The following EFCAB6 variants were observed in gnomAD, a reference collection of about 807,000 sequenced individuals.
The protein encoded by EFCAB6 is EF-hand calcium-binding domain-containing protein 6.
In EFCAB6, 156 loss-of-function variants were observed where a neutral mutation model predicts 169.8. The ratio of observed to expected loss-of-function variants is 0.92; its 90% CI spans 0.81 to 1.05. The LOEUF (loss-of-function observed/expected upper bound fraction) is 1.05. EFCAB6 is among the 50% of genes least tolerant of loss of function. The pLI, the probability that EFCAB6 is intolerant of heterozygous loss-of-function variation, is 0.00. For synonymous variants in EFCAB6, 698 were observed against 676.4 expected (o/e 1.03, Z -0.50); for missense variants, 1,800 against 1,829.1 (o/e 0.98, Z 0.29).
chr22:43,616,589 G>T (rs2053701948), intron 20 of EFCAB6, among the ~76,000 whole-genome samples: 2 of 123,226 alleles, frequency 1.6e-5, no homozygotes, highest in African/African-American at 6.4e-5. Context: ...GCTTGAACCT[G>T]GGAGGCGGAG....
At chr22:43,579,135 A>G (rs890211622) in intron 25 of EFCAB6, among the ~76,000 whole-genome samples, 1 of 149,608 alleles carries the variant, frequency 6.7e-6, no homozygotes, top group African/African-American at 2.5e-5. Flanking sequence ...TATAGGCATC[A>G]TTCTGTACAC....
chr22:43,532,848 A>AGG (rs931063529), intron 30 of EFCAB6, among the ~76,000 whole-genome samples: 8 of 152,242 alleles, frequency 5.3e-5, no homozygotes, highest in Non-Finnish European at 8.8e-5. Context: ...GGCCAGGGCC[A>AGG]GGGCTTTCAG....
chr22:43,591,122 T>TG (rs1277980557), intron 23 of EFCAB6, among the ~76,000 whole-genome samples: 47 of 129,006 alleles, frequency 3.6e-4, no homozygotes, highest in South Asian at 1.9e-3. Context: ...TTTTTTTTTT[T>TG]TGTTTTTTTT....
At chr22:43,611,338 G>C (rs890538519) in intron 21 of EFCAB6, among the ~76,000 whole-genome samples, 5 of 152,158 alleles carry the variant, frequency 3.3e-5, no homozygotes, top group Admixed American at 3.3e-4. Flanking sequence ...ACTGCTCAAA[G>C]ATATCAGTGA....
At chr22:43,766,686 T>C (rs2147937419) in intron 4 of EFCAB6, among the ~76,000 whole-genome samples, 1 of 152,200 alleles carries the variant, frequency 6.6e-6, no homozygotes, top group East Asian at 1.9e-4. Flanking sequence ...GGCTGATTTT[T>C]GTATTTTTAG....
chr22:43,557,320 A>C (rs2048764673), intron 26 of EFCAB6, among the ~76,000 whole-genome samples: 1 of 152,246 alleles, frequency 6.6e-6, no homozygotes, highest in Non-Finnish European at 1.5e-5. Flanking sequence ...CTAACAACAG[A>C]TATGGAAGAA....
intron 2 of EFCAB6, among the ~76,000 whole-genome samples, chr22:43,806,147 T>C (rs1345970932): frequency 9.1e-6 from 1 of 110,474 alleles, no homozygotes; most frequent in Non-Finnish European, 1.7e-5. Context: ...GCCTGGGTGA[T>C]CAAGTGAGAC....
intron 10 of EFCAB6, among the ~76,000 whole-genome samples, chr22:43,693,144 C>T (rs1488163692): frequency 6.6e-6 from 1 of 152,036 alleles, no homozygotes; most frequent in Non-Finnish European, 1.5e-5. Context: ...TAGAGATTAT[C>T]AGAATAGATT....
At chr22:43,730,378 C>T (rs1344559480) in intron 8 of EFCAB6, among the ~76,000 whole-genome samples, 1 of 149,558 alleles carries the variant, frequency 6.7e-6, no homozygotes, top group Non-Finnish European at 1.5e-5. Context: ...AGGCCTCAGA[C>T]TTTTCCACAA....
chr22:43,632,273 T>C, intron 18 of EFCAB6, 35 bp from the exon 19 acceptor site: 1 of 1,516,122 alleles, frequency 6.6e-7, no homozygotes, highest in African/African-American at 1.4e-5. Flanking sequence ...TTTCCATTAG[T>C]GCCCATCAGC....
At chr22:43,675,522 TTAAG>T (rs1010678223) in intron 13 of EFCAB6, among the ~76,000 whole-genome samples, 24 of 143,038 alleles carry the variant, frequency 1.7e-4, no homozygotes, top group African/African-American at 3.8e-4. Flanking sequence ...ATAGGATTTA[TTAAG>T]TAAGCAATAA....
intron 21 of EFCAB6, among the ~76,000 whole-genome samples, chr22:43,609,424 GA>G (rs2053152037): frequency 6.6e-6 from 1 of 152,130 alleles, no homozygotes; most frequent in Non-Finnish European, 1.5e-5. Context: ...GGAATACAAA[GA>G]ATCCACAAAT....
At chr22:43,639,897 T>A (rs866054176) in intron 17 of EFCAB6, among the ~76,000 whole-genome samples, 1 of 152,212 alleles carries the variant, frequency 6.6e-6, no homozygotes, top group Non-Finnish European at 1.5e-5. Flanking sequence ...CTCGGGCTCA[T>A]TGACTTCTGT....
rs1442263361 is a variant in EFCAB6, at chr22:43,812,233, G to A, written c.-210C>T. 6.6e-6 allele frequency: 1 copy of A among 152,290 alleles called. No homozygotes were observed. Among genetic ancestry groups the A allele is most frequent in the Non-Finnish European group, 1.5e-5 (1 of 68,084 alleles). 9.4% of individuals were successfully genotyped at this position (152,290 alleles called of 1,614,324 possible). ...CCCGCGTGCGCGGACCCCAAGCCGCGGGGTCTCAGAGGGGCTGCCCATTCG... is the reference window on the plus strand; with the variant it reads ...CCCGCGTGCGCGGACCCCAAGCCGCAGGGTCTCAGAGGGGCTGCCCATTCG... On this transcript the variant is annotated 5_prime_UTR_variant, in exon 1 of 32. Coordinates refer to ENST00000262726, the MANE Select transcript of EFCAB6 (RefSeq NM_022785.4).
intron 26 of EFCAB6, among the ~76,000 whole-genome samples, chr22:43,563,112 C>G (rs1406297012): frequency 6.6e-6 from 1 of 152,170 alleles, no homozygotes; most frequent in Admixed American, 6.5e-5. Context: ...CAGGCAGCAC[C>G]AGTAACCAAG....
chr22:43,805,527 G>A (rs937132999), intron 2 of EFCAB6, among the ~76,000 whole-genome samples: 2 of 152,170 alleles, frequency 1.3e-5, no homozygotes, highest in Admixed American at 6.6e-5. Flanking sequence ...AGAGTAAACT[G>A]GTGGTTAGCA....
intron 23 of EFCAB6, among the ~76,000 whole-genome samples, chr22:43,594,593 G>C (rs1189705259): frequency 8.5e-5 from 13 of 152,172 alleles, no homozygotes; most frequent in Admixed American, 7.2e-4. Flanking sequence ...TATAACAATA[G>C]TAAACATATG....
chr22:43,576,400 G>A lies in EFCAB6; in HGVS notation c.3317C>T (p.Thr1106Met), dbSNP rs572837447. 1.5e-5 allele frequency: 24 copies of A among 1,606,952 alleles called. No homozygotes were observed. The highest frequency in any genetic ancestry group is 5.6e-5 in the South Asian group (5 of 89,252). ...CAAAAAATAATGATACTGATTGTCC[G>A]TTAGTTTGTAACAGAAATCCTTAAG... ...QVLKDFCYKL[T>M]DNQYHYFLRK... The change falls in exon 26 of 32, where the codon ACG becomes ATG. Residue 1106 changes from threonine (T) to methionine (M), a missense_variant. Physicochemically the swap from Thr to Met is moderately conservative, Grantham distance 81. Coordinates refer to ENST00000262726, the MANE Select transcript of EFCAB6 (RefSeq NM_022785.4).
chr22:43,626,941 C>T (rs1442785181), intron 19 of EFCAB6, among the ~76,000 whole-genome samples: 5 of 152,112 alleles, frequency 3.3e-5, no homozygotes, highest in Non-Finnish European at 7.4e-5. Context: ...AGGAACAGGC[C>T]ACTTTTCTTT....
Sources: gnomAD v4.1 joint callset for allele counts (sites outside exome capture counted in the v4.1 genomes callset) on GRCh38, gnomAD v4.1.1 for gene constraint, MANE v1.5 for transcripts, NCBI Gene and HGNC (gene_info 2026-07-23, HGNC 2026-07-21) for gene names.